Variants in VWA3A observed in about 807,000 individuals in gnomAD.
VWA3A encodes the protein von Willebrand factor A domain-containing protein 3A.
VWA3A carries 134 observed loss-of-function variants against 160.4 expected under a neutral mutation model. The ratio of observed to expected loss-of-function variants is 0.84; its 90% CI spans 0.73 to 0.96. The LOEUF (loss-of-function observed/expected upper bound fraction) is 0.96, where lower values mean the gene tolerates loss of function less well. Ranked by LOEUF, VWA3A falls within the 40% of genes least tolerant of loss-of-function variation. The pLI, the probability that VWA3A is intolerant of heterozygous loss-of-function variation, is 0.00. For missense variants in VWA3A, 1,310 were observed against 1,447.9 expected (o/e 0.90, Z 1.55); for synonymous variants, 476 against 543.4 (o/e 0.88, Z 1.72).
At chr16:22,151,153 G>A (rs933821872) in intron 30 of VWA3A, among the ~76,000 whole-genome samples, 13 of 152,018 alleles carry the variant, frequency 8.6e-5, no homozygotes, top group African/African-American at 2.9e-4. Flanking sequence ...GGTGGTAGGC[G>A]CCTGTAATCC....
chr16:22,147,876 TC>T (rs1188447527), intron 27 of VWA3A, among the ~76,000 whole-genome samples: 1 of 152,196 alleles, frequency 6.6e-6, no homozygotes, highest in East Asian at 1.9e-4. Context: ...ATAAGGAAAT[TC>T]AAGCCCAGGA....
Position 22,155,908 on chromosome 16 carries a change from T to G in VWA3A, c.*6T>G. 1.2e-6 allele frequency: 2 copies of G among 1,613,952 alleles called. No individual in the cohort carries two copies. Among genetic ancestry groups the G allele is most frequent in the African/African-American group, 2.7e-5 (2 of 75,050 alleles). On this transcript the variant is annotated 3_prime_UTR_variant, in exon 33 of 34. Transcript: ENST00000389398. Reference sequence around the variant, plus strand: ...CAAAGGTCACTCTTTCCTAGAGAAGTGTTCTCAGGTAAGGGGAGGGGCTAG... The same window carrying G: ...CAAAGGTCACTCTTTCCTAGAGAAGGGTTCTCAGGTAAGGGGAGGGGCTAG...
At position 22,155,772 on chromosome 16, in the gene VWA3A, G is replaced by T. The variant is rs2046430360; in HGVS notation, c.3504-79G>T. 1.3e-5 allele frequency: 21 copies of T among 1,608,508 alleles called. No homozygotes were observed. The South Asian group carries it at 2.2e-4, about 17-fold the overall frequency. ...CCATGATGGTACCCTTGCTCCAAGG[G>T]TTCCTGCCCTGCTTCTCCCAGCCAG... is the stretch of plus-strand genomic sequence containing the variant. On this transcript the variant is annotated intron_variant, in intron 32 of 33. Coordinates refer to ENST00000389398, the MANE Select transcript of VWA3A (RefSeq NM_173615.5).
rs868863735 is a variant in VWA3A, at chr16:22,141,693, G to A, written c.2494+1G>A. Reference sequence around the variant, plus strand: ...TACACAGAGAAAGGGAATGACGTGGGTAAGTTAGAGGCTATACAGGTGTCT... The same window carrying A: ...TACACAGAGAAAGGGAATGACGTGGATAAGTTAGAGGCTATACAGGTGTCT... On this transcript the variant is annotated splice_donor_variant, in intron 24 of 33. Coordinates refer to ENST00000389398, the MANE Select transcript of VWA3A (RefSeq NM_173615.5). LOFTEE classifies it high-confidence loss of function. 2.5e-6 allele frequency: 4 copies of A among 1,604,650 alleles called. No homozygotes were observed. The highest frequency in any genetic ancestry group is 2.7e-5 in the African/African-American group (2 of 74,756).
intron 26 of VWA3A, 29 bp downstream of exon 26, chr16:22,144,413 T>A: frequency 6.2e-7 from 1 of 1,609,380 alleles, no homozygotes; most frequent in Non-Finnish European, 8.5e-7. Context: ...CATCGTCTTT[T>A]TTTTCTCCCC....
In VWA3A at chr16:22,140,090, G is replaced by T. The variant is rs2046116775; in HGVS notation, c.2293-64G>T. 7 of 1,519,666 alleles carry T rather than the reference G, an allele frequency of 4.6e-6. No individual in the cohort carries two copies. In the South Asian group the frequency reaches 8.2e-5, roughly 18 times the overall value. The allele number at this position is 1,519,666 out of a possible 1,614,324, so 94.1% of individuals were successfully genotyped here. A position where few individuals can be genotyped will look rare whatever the true frequency, so the allele number is the denominator to read the frequency against. ...TCCTGATTGACAAATTGAGGTCAGG[G>T]TAACTGGGATCCTGCGTGACACAGG... On this transcript the variant is annotated intron_variant, in intron 22 of 33. Coordinates refer to ENST00000389398, the MANE Select transcript of VWA3A (RefSeq NM_173615.5).
intron 30 of VWA3A, among the ~76,000 whole-genome samples, chr16:22,152,225 A>G (rs571029623): frequency 2.4e-4 from 37 of 152,160 alleles, no homozygotes; most frequent in Admixed American, 5.9e-4. Context: ...AAGAAAAGAA[A>G]TGGGGGCTGG....
rs988862954 is a variant in VWA3A at position 22,154,323 on chromosome 16, CTTTT to C, written c.3406-1223_3406-1220del. ...GGATGGCTTCCTCTTTTTTCTTTTT[CTTTT>C]TTTTTTTTTTTTTTTTTTTTGAGAT... is the stretch of plus-strand genomic sequence containing the variant. On this transcript the variant is annotated intron_variant, in intron 31 of 33. Coordinates refer to ENST00000389398, the MANE Select transcript of VWA3A (RefSeq NM_173615.5). Among the ~76,000 whole-genome samples, 652 of 73,964 alleles carry C rather than the reference CTTTT, an allele frequency of 8.8e-3. 4 individuals carry two copies. Among genetic ancestry groups the C allele is most frequent in the African/African-American group, 0.041 (602 of 14,524 alleles). The allele number at this position is 73,964 out of a possible 152,430, so 48.5% of individuals were successfully genotyped here. A position where few individuals can be genotyped will look rare whatever the true frequency, so the allele number is the denominator to read the frequency against.
intron 29 of VWA3A, 28 bp from the exon 30 acceptor site, chr16:22,150,667 G>A: frequency 6.3e-7 from 1 of 1,590,098 alleles, no homozygotes; most frequent in Non-Finnish European, 8.6e-7. Context: ...TCTCCCCTGA[G>A]CCTGACAGCC....
chr16:22,141,634 G>C lies in VWA3A; in HGVS notation c.2436G>C (p.Lys812Asn). The change falls in exon 24 of 34, where the codon AAG (lysine) becomes AAC (asparagine). Residue 812 changes from lysine (K) to asparagine (N), a missense_variant. By Grantham distance (94) the Lys-to-Asn change is moderately conservative (BLOSUM62 0). Coordinates refer to ENST00000389398, the MANE Select transcript of VWA3A (RefSeq NM_173615.5). The stretch of plus-strand genomic sequence containing the variant: ...TGATGGAACTGAGGAGGAAGACCAA[G>C]TCAAGGGAAGCAGAGACATCTCTTT... ...EGMMELRRKTKSREAETSLLL... is the reference protein window; with the variant it reads ...EGMMELRRKTNSREAETSLLL... 2 of 1,612,784 alleles carry C rather than the reference G, an allele frequency of 1.2e-6. No individual in the cohort carries two copies. The highest frequency in any genetic ancestry group is 1.7e-6 in the Non-Finnish European group (2 of 1,179,476).
chr16:22,138,461 G>A lies in VWA3A; in HGVS notation c.2241G>A (p.Gln747=). 1 of 1,613,674 alleles carries A rather than the reference G, an allele frequency of 6.2e-7. No individual in the cohort carries two copies. Among genetic ancestry groups the A allele is most frequent in the East Asian group, 2.2e-5 (1 of 44,858 alleles). ...EKPKTLQLRS[Q]PKKLCPPRPT... ...CAAAGACACTTCAGCTAAGAAGTCA[G>A]CCCAAGAAGCTCTGCCCTCCCAGGC... Residue 747 remains glutamine (Q), a synonymous_variant, in exon 22 of 34, where the codon CAG becomes CAA. Coordinates refer to ENST00000389398, the MANE Select transcript of VWA3A (RefSeq NM_173615.5).
intron 17 of VWA3A, among the ~76,000 whole-genome samples, chr16:22,129,402 A>AAAAGAAAGAAAG (rs1555458652): frequency 1.9e-3 from 229 of 118,930 alleles, no homozygotes; most frequent in African/African-American, 6.8e-3. Context: ...AAAAAAAAAA[A>AAAAGAAAGAAAG]AAAGAAAGAA....
chr16:22,136,874 TAC>T (rs747914882), intron 21 of VWA3A, among the ~76,000 whole-genome samples: 66 of 134,336 alleles, frequency 4.9e-4, no homozygotes, highest in Non-Finnish European at 6.2e-4. Context: ...CTACTAAAAA[TAC>T]ACACACACAC....
intron 1 of VWA3A, 113 bp downstream of exon 1, chr16:22,092,764 C>A: frequency 1.5e-6 from 2 of 1,332,148 alleles, no homozygotes; most frequent in East Asian, 2.6e-5. Flanking sequence ...TGTGAAGTGT[C>A]CACTCCCTAC....
Position 22,133,649 on chromosome 16 carries a change from C to CAA in VWA3A, c.2068+572_2068+573dup, listed in dbSNP as rs1230000179. Among the ~76,000 whole-genome samples the CAA allele has an allele frequency of 7.9e-3, 650 of 81,942 alleles. 10 individuals are homozygous for CAA. The highest frequency in any genetic ancestry group is 0.02 in the African/African-American group (471 of 23,984). 53.8% of individuals were successfully genotyped at this position (81,942 alleles called of 152,430 possible). A position where few individuals can be genotyped will look rare whatever the true frequency, so the allele number is the denominator to read the frequency against. On this transcript the variant is annotated intron_variant, in intron 20 of 33. Coordinates refer to ENST00000389398, the MANE Select transcript of VWA3A (RefSeq NM_173615.5). ...TGGGTGACAGAGCAAAACTCTGTCT[C>CAA]AAAAAAAAAAAAAAAAAAAGAAGAA...
At chr16:22,100,115 G>A (rs1033411678) in intron 3 of VWA3A, 79 bp from the exon 4 acceptor site, 17 of 1,448,906 alleles carry the variant, frequency 1.2e-5, no homozygotes, top group East Asian at 2.5e-5. Context: ...GTTGGCGCCC[G>A]TTGGGTATCT....
rs397754746 is a variant in VWA3A, at chr16:22,096,963, ATTTT to A, written c.101+35_101+38del. The A allele has an allele frequency of 2.0e-3, 2,192 of 1,073,278 alleles. No individual in the cohort carries two copies. The highest frequency in any genetic ancestry group is 8.7e-3 in the East Asian group (299 of 34,554). 66.5% of individuals were successfully genotyped at this position (1,073,278 alleles called of 1,614,324 possible). On this transcript the variant is annotated intron_variant, in intron 2 of 33. Transcript: ENST00000389398. ...AACCATTGGTAAGCATAGTTCTCTG[ATTTT>A]TTTTTTTTTTTTTTTTGAGGCAGAT...
At chr16:22,093,590 A>G (rs940682130) in intron 1 of VWA3A, among the ~76,000 whole-genome samples, 2 of 152,236 alleles carry the variant, frequency 1.3e-5, no homozygotes, top group African/African-American at 2.4e-5. Context: ...GTGCTTGAAG[A>G]TGCAGCCCAT....
At chr16:22,121,934 C>T (rs185145554) in intron 14 of VWA3A, among the ~76,000 whole-genome samples, 1 of 152,206 alleles carries the variant, frequency 6.6e-6, no homozygotes, top group Non-Finnish European at 1.5e-5. Flanking sequence ...TGCAATTGCT[C>T]CCATAAAGGA....
Sources: allele counts gnomAD v4.1 joint callset (sites outside exome capture counted in the v4.1 genomes callset), GRCh38; gene constraint gnomAD v4.1.1; transcripts MANE v1.5; gene names NCBI Gene and HGNC (gene_info 2026-07-23, HGNC 2026-07-21).